The following RANBP3L variants were observed in gnomAD, a reference collection of about 807,000 sequenced individuals.
RANBP3L encodes the protein RAN binding protein 3 like, also known as ran-binding protein 3-like.
In RANBP3L, 56 loss-of-function variants were observed where a neutral mutation model predicts 67.2. That is an observed-to-expected ratio of 0.83 (90% CI 0.67 to 1.04). The LOEUF (loss-of-function observed/expected upper bound fraction) is 1.04, where lower values mean the gene tolerates loss of function less well. Among genes scored for constraint, RANBP3L ranks in the 50% least tolerant of loss-of-function variants. RANBP3L has a pLI of 0.00. For missense variants in RANBP3L, 496 were observed against 535.5 expected, an observed-to-expected ratio of 0.93 and a Z score of 0.73; for synonymous variants, 164 against 181.4, an observed-to-expected ratio of 0.90 and a Z score of 0.77.
intron 1 of RANBP3L, among the ~76,000 whole-genome samples, chr5:36,277,854 C>T (rs1304643174): frequency 6.6e-6 from 1 of 152,244 alleles, no homozygotes; most frequent in South Asian, 2.1e-4. Context: ...CACAGTTCCA[C>T]GTGGCTGAGG....
intron 1 of RANBP3L, among the ~76,000 whole-genome samples, chr5:36,294,969 TACATATATATACACAC>T (rs1752099920): frequency 6.7e-6 from 1 of 149,678 alleles, no homozygotes; most frequent in Non-Finnish European, 1.5e-5. Flanking sequence ...TATGTATGTA[TACATATATATACACAC>T]ACATATATAT....
intron 9 of RANBP3L, 125 bp from the exon 10 acceptor site, chr5:36,257,196 C>T (rs1749045784): frequency 1.2e-6 from 1 of 810,696 alleles, no homozygotes; most frequent in African/African-American, 1.8e-5. Flanking sequence ...TCTAAAAATT[C>T]AGACTGCTTG....
intron 1 of RANBP3L, among the ~76,000 whole-genome samples, chr5:36,297,445 A>G (rs999752061): frequency 1.3e-5 from 2 of 149,274 alleles, no homozygotes; most frequent in East Asian, 1.9e-4. Context: ...ACACACACAC[A>G]CGCACACACA....
intron 7 of RANBP3L, 96 bp downstream of exon 7, chr5:36,261,843 C>T (rs1468567412): frequency 3.6e-6 from 2 of 549,862 alleles, no homozygotes; most frequent in Non-Finnish European, 6.5e-6. Context: ...GGCAATTTAT[C>T]CGTACAAGGT....
chr5:36,265,484 A>T lies in RANBP3L; in HGVS notation c.305T>A (p.Val102Glu), dbSNP rs1473588579. The T allele has an allele frequency of 1.9e-6, 3 of 1,606,598 alleles. No individual in the cohort carries two copies. In the African/African-American group the frequency reaches 4.0e-5, roughly 22 times the overall value. ...KNNVFMTSAL[V>E]QSSVDIKSAE... ...ACTCTTTATATCAACACTACTTTGC[A>T]CAAGAGCTGATGTCATAAAAACATT... is the stretch of plus-strand genomic sequence containing the variant. The change falls in exon 5 of 14, where the codon GTG (valine) becomes GAG (glutamate). Residue 102 changes from valine to glutamate, a missense_variant. Coordinates refer to ENST00000296604, the MANE Select transcript of RANBP3L (RefSeq NM_145000.5).
intron 11 of RANBP3L, 45 bp from the exon 12 acceptor site, chr5:36,253,834 C>T (rs763333702): frequency 1.9e-6 from 3 of 1,574,826 alleles, no homozygotes; most frequent in Admixed American, 1.9e-5. Context: ...ACAGTTGACA[C>T]GGAGGAATTT....
At position 36,255,817 on chromosome 5, in the gene RANBP3L, G is replaced by A. The variant is rs1039492111; in HGVS notation, c.904-227C>T. On this transcript the variant is annotated intron_variant, in intron 10 of 13. Coordinates refer to ENST00000296604, the MANE Select transcript of RANBP3L (RefSeq NM_145000.5). ...ACATACAAAGTGAAAAGGGCCCCCA[G>A]CTTTTATTTCCCATCTACCAATTTC... 1.7e-4 allele frequency among the ~76,000 whole-genome samples: 26 copies of A among 152,094 alleles called. No individual in the cohort carries two copies. The South Asian group carries it at 1.9e-3, about 11-fold the overall frequency.
At chr5:36,260,570 A>G (rs1749309096) in intron 8 of RANBP3L, among the ~76,000 whole-genome samples, 1 of 152,172 alleles carries the variant, frequency 6.6e-6, no homozygotes, top group South Asian at 2.1e-4. Context: ...TTATAATTAT[A>G]CAGTTCCCTT....
In RANBP3L at chr5:36,283,530, A is replaced by G. The variant is rs200571327; in HGVS notation, c.92-12219T>C. Among the ~76,000 whole-genome samples, 80 of 138,302 alleles carry G rather than the reference A, an allele frequency of 5.8e-4. No individual in the cohort carries two copies. In the East Asian group the frequency reaches 9.5e-3, roughly 16 times the overall value. 90.7% of individuals were successfully genotyped at this position (138,302 alleles called of 152,430 possible). ...GGTATGGGTCTTGCCTATGCTCTGT[A>G]TATAAAAATACACACACACACACAC... is the stretch of plus-strand genomic sequence containing the variant. On this transcript the variant is annotated intron_variant, in intron 1 of 13. Transcript: ENST00000296604.
chr5:36,300,592 C>T (rs1010467768), intron 1 of RANBP3L, among the ~76,000 whole-genome samples: 1 of 152,196 alleles, frequency 6.6e-6, no homozygotes, highest in African/African-American at 2.4e-5. Flanking sequence ...GAATCCTTAA[C>T]CTCTGTGGAG....
Position 36,268,713 on chromosome 5 carries a change from CT to C in RANBP3L, c.268+676del, listed in dbSNP as rs58603898. 3.9e-3 allele frequency among the ~76,000 whole-genome samples: 560 copies of C among 144,702 alleles called. 3 individuals are homozygous for C. Among genetic ancestry groups the C allele is most frequent in the South Asian group, 8.4e-3 (38 of 4,546 alleles). 94.9% of individuals were successfully genotyped at this position (144,702 alleles called of 152,430 possible). On this transcript the variant is annotated intron_variant, in intron 4 of 13. Coordinates refer to ENST00000296604, the MANE Select transcript of RANBP3L (RefSeq NM_145000.5). ...ATCCATTTATTTAAATAGGCGGTTA[CT>C]TTTTTTTTTTTTTCTTAGGAGTCTC...
rs1423726454 is a variant in RANBP3L, at chr5:36,247,878, ACT to A, written c.*1774_*1775del. 2.6e-5 allele frequency among the ~76,000 whole-genome samples: 4 copies of A among 152,312 alleles called. No individual in the cohort carries two copies. Among genetic ancestry groups the A allele is most frequent in the African/African-American group, 9.6e-5 (4 of 41,574 alleles). On this transcript the variant is annotated 3_prime_UTR_variant, in exon 14 of 14. Coordinates refer to ENST00000296604, the MANE Select transcript of RANBP3L (RefSeq NM_145000.5). The stretch of plus-strand genomic sequence containing the variant: ...ACTCCAACCTGGGTGACAGAGCGAG[ACT>A]CTGTCTAAAAAACAAACAAAATAAA...
chr5:36,261,577 C>T (rs1158088323), intron 7 of RANBP3L, among the ~76,000 whole-genome samples: 1 of 151,856 alleles, frequency 6.6e-6, no homozygotes, highest in African/African-American at 2.4e-5. Context: ...CTAACCTATG[C>T]CAATAAATAA....
At chr5:36,256,160 A>T (rs1748964105) in intron 10 of RANBP3L, among the ~76,000 whole-genome samples, 1 of 152,124 alleles carries the variant, frequency 6.6e-6, no homozygotes, top group Admixed American at 6.6e-5. Context: ...TGCAATCATT[A>T]CTACTGTGTA....
intron 6 of RANBP3L, among the ~76,000 whole-genome samples, chr5:36,264,065 G>A (rs28419346): frequency 0.023 from 3,537 of 152,320 alleles, 163 homozygotes; most frequent in South Asian, 0.2. Context: ...TGCTGATCAA[G>A]TTCAAGTCCC....
chr5:36,258,250 A>G (rs1310805904), intron 8 of RANBP3L, among the ~76,000 whole-genome samples: 2 of 152,186 alleles, frequency 1.3e-5, no homozygotes, highest in Admixed American at 6.5e-5. Context: ...ACTAATTGAC[A>G]TGACATTTGT....
At chr5:36,297,605 A>G (rs561048778) in intron 1 of RANBP3L, among the ~76,000 whole-genome samples, 1 of 152,218 alleles carries the variant, frequency 6.6e-6, no homozygotes, top group Non-Finnish European at 1.5e-5. Flanking sequence ...TAGTACATGT[A>G]ATGTGTAATG....
intron 1 of RANBP3L, among the ~76,000 whole-genome samples, chr5:36,271,626 G>T (rs111831124): frequency 1.3e-5 from 2 of 152,084 alleles, no homozygotes; most frequent in African/African-American, 4.8e-5. Flanking sequence ...AGAGCATAGC[G>T]ATTAACACCA....
At chr5:36,296,247 T>A (rs142613287) in intron 1 of RANBP3L, among the ~76,000 whole-genome samples, 4 of 152,314 alleles carry the variant, frequency 2.6e-5, no homozygotes, top group Admixed American at 2.0e-4. Context: ...TAATTTGTAA[T>A]TGTCCTGGCA....
Sources: gnomAD v4.1 joint callset for allele counts (sites outside exome capture counted in the v4.1 genomes callset) on GRCh38, gnomAD v4.1.1 for gene constraint, MANE v1.5 for transcripts, NCBI Gene and HGNC (gene_info 2026-07-23, HGNC 2026-07-21) for gene names.